The following CDCP2 variants were observed in gnomAD, a reference collection of about 807,000 sequenced individuals.
CDCP2 encodes the protein CUB domain containing protein 2.
In CDCP2, 31 loss-of-function variants were observed where a neutral mutation model predicts 31.0. The ratio of observed to expected loss-of-function variants is 1.00; its 90% confidence interval spans 0.75 to 1.35. CDCP2 has a LOEUF of 1.35. Ranked by LOEUF, CDCP2 falls within the 40% of genes most tolerant of loss-of-function variation. The pLI is 0.00. For synonymous variants in CDCP2, 206 were observed against 207.9 expected (o/e 0.99, Z 0.08); for missense variants, 443 against 482.6 (o/e 0.92, Z 0.77).
At chr1:54,142,604 G>A (rs1659393200) in intron 2 of CDCP2, 1 of 152,286 alleles carries the variant, frequency 6.6e-6, no homozygotes, top group African/African-American at 2.4e-5. Flanking sequence ...TGAGACTCCA[G>A]CATCTCGCCC....
chr1:54,133,520 G>A (rs1659201036), intron 5 of CDCP2, among the ~76,000 whole-genome samples: 1 of 152,168 alleles, frequency 6.6e-6, no homozygotes, highest in East Asian at 1.9e-4. Context: ...CTAATGTTCT[G>A]GGGCCATTTA....
intron 2 of CDCP2, 73 bp downstream of exon 2, chr1:54,144,393 C>G: frequency 7.5e-7 from 1 of 1,332,598 alleles, no homozygotes; most frequent in South Asian, 1.4e-5. Context: ...GTAATCCTCC[C>G]ACTTTGGCTT....
chr1:54,138,787 T>G (rs2100421040), intron 4 of CDCP2: 1 of 152,448 alleles, frequency 6.6e-6, no homozygotes, highest in Non-Finnish European at 1.5e-5. Flanking sequence ...GCTGTGCCAC[T>G]GACTCCCTAT....
chr1:54,151,823 A>T (rs2100436029), intron 1 of CDCP2, among the ~76,000 whole-genome samples: 1 of 152,316 alleles, frequency 6.6e-6, no homozygotes, highest in African/African-American at 2.4e-5. Flanking sequence ...CAGGAGCCCC[A>T]GTGAAGGCGC....
Position 54,149,238 on chromosome 1 carries a change from A to T in CDCP2, c.79+3606T>A, listed in dbSNP as rs145247818. On this transcript the variant is annotated intron_variant, in intron 1 of 5. Transcript: ENST00000530059. The stretch of plus-strand genomic sequence containing the variant: ...AGAGAGAGACCTTGTCTCTAAAAAA[A>T]TTTTTTTAAATTAAGCACTTATTAT... 1.5e-3 allele frequency among the ~76,000 whole-genome samples: 230 copies of T among 151,674 alleles called. 2 individuals are homozygous for T. The highest frequency in any genetic ancestry group is 2.3e-3 in the Non-Finnish European group (157 of 67,982).
chr1:54,145,480 G>A (rs990297240), intron 1 of CDCP2, among the ~76,000 whole-genome samples: 6 of 152,066 alleles, frequency 3.9e-5, no homozygotes, highest in African/African-American at 1.4e-4. Context: ...ATGACACTGT[G>A]AGAAGCTATG....
At chr1:54,148,972 A>ATATATATAT (rs940024678) in intron 1 of CDCP2, among the ~76,000 whole-genome samples, 1 of 143,526 alleles carries the variant, frequency 7.0e-6, no homozygotes, top group Non-Finnish European at 1.5e-5. Context: ...GTTTAAAAAA[A>ATATATATAT]AAATATATAT....
intron 3 of CDCP2, chr1:54,140,322 C>T (rs1659344214): frequency 1.7e-6 from 1 of 589,950 alleles, no homozygotes; most frequent in Non-Finnish European, 3.0e-6. Context: ...TAGCTGAAAG[C>T]TGGGACTTGC....
At chr1:54,146,333 C>T (rs890221499) in intron 1 of CDCP2, among the ~76,000 whole-genome samples, 1 of 151,718 alleles carries the variant, frequency 6.6e-6, no homozygotes, top group African/African-American at 2.4e-5. Flanking sequence ...GTGCCCGCCA[C>T]CACACCCAGC....
At chr1:54,136,103 C>A (rs1659254840) in intron 5 of CDCP2, among the ~76,000 whole-genome samples, 1 of 152,142 alleles carries the variant, frequency 6.6e-6, no homozygotes, top group Admixed American at 6.5e-5. Flanking sequence ...GGGAGGGAAT[C>A]CTGTGCCTTG....
At chr1:54,145,412 C>T (rs899744708) in intron 1 of CDCP2, among the ~76,000 whole-genome samples, 2 of 151,606 alleles carry the variant, frequency 1.3e-5, no homozygotes, top group African/African-American at 2.4e-5. Flanking sequence ...GGCAACAGAG[C>T]GAGACTCTGT....
At chr1:54,139,389 A>T (rs1659312879) in intron 4 of CDCP2, 2 of 707,330 alleles carry the variant, frequency 2.8e-6, no homozygotes, top group Admixed American at 3.0e-5. Flanking sequence ...AGTTATACCA[A>T]TTTTTTTGCC....
At chr1:54,135,149 C>T (rs1659237793) in intron 5 of CDCP2, among the ~76,000 whole-genome samples, 1 of 134,314 alleles carries the variant, frequency 7.4e-6, no homozygotes, top group Non-Finnish European at 1.5e-5. Flanking sequence ...TAAAGTAAAT[C>T]TACATAATAA....
In CDCP2 at chr1:54,148,362, G is replaced by T. The variant is rs528349377; in HGVS notation, c.80-3549C>A. On this transcript the variant is annotated intron_variant, in intron 1 of 5. Transcript: ENST00000530059. ...CAAGACCCCAACCTCTAAAAAAAAA[G>T]AAAAAAAGAAAAAAAAAATTCACTT... is the stretch of plus-strand genomic sequence containing the variant. 8.0e-4 allele frequency among the ~76,000 whole-genome samples: 95 copies of T among 118,592 alleles called. 5 individuals are homozygous for T. The highest frequency in any genetic ancestry group is 3.0e-3 in the African/African-American group (92 of 30,602). 77.8% of individuals were successfully genotyped at this position (118,592 alleles called of 152,430 possible).
At chr1:54,152,823 G>C in intron 1 of CDCP2, 21 bp downstream of exon 1, 1 of 1,611,080 alleles carries the variant, frequency 6.2e-7, no homozygotes, top group Non-Finnish European at 8.5e-7. Context: ...CTCAGTTCAT[G>C]TCTGTCCCAA....
chr1:54,140,944 T>C lies in CDCP2; in HGVS notation c.763+154A>G, dbSNP rs1659357427. 1.1e-5 allele frequency: 6 copies of C among 556,860 alleles called. No homozygotes were observed. In the Admixed American group the frequency reaches 1.5e-4, roughly 14 times the overall value. The allele number at this position is 556,860 out of a possible 1,614,324, so 34.5% of individuals were successfully genotyped here. On this transcript the variant is annotated intron_variant, in intron 3 of 5. Coordinates refer to ENST00000530059, the Ensembl canonical transcript of CDCP2. Reference sequence around the variant, plus strand: ...GAGGTGACATGCTTATGTCTTGGCATAGGCCAAGGGTATGCTAGAGCATTC... The same window carrying C: ...GAGGTGACATGCTTATGTCTTGGCACAGGCCAAGGGTATGCTAGAGCATTC...
chr1:54,143,724 T>G (rs1020809436), intron 2 of CDCP2: 2 of 152,186 alleles, frequency 1.3e-5, no homozygotes, highest in Non-Finnish European at 2.9e-5. Flanking sequence ...TGTCTACTGT[T>G]TGAGTTAACA....
At position 54,140,278 on chromosome 1, in the gene CDCP2, A is replaced by T. The variant is rs1659343240; in HGVS notation, c.764-172T>A. The T allele has an allele frequency of 6.4e-6, 4 of 622,550 alleles. No individual in the cohort carries two copies. In the East Asian group the frequency reaches 1.1e-4, roughly 17 times the overall value. The allele number at this position is 622,550 out of a possible 1,614,324, so 38.6% of individuals were successfully genotyped here. On this transcript the variant is annotated intron_variant, in intron 3 of 5. Transcript: ENST00000530059. ...TGATCCCAACTATCTGAAAGTTGGG[A>T]TGCTTGATCCCAAAGCTTGTTTTAA...
chr1:54,147,408 C>T (rs961734056), intron 1 of CDCP2, among the ~76,000 whole-genome samples: 1 of 151,786 alleles, frequency 6.6e-6, no homozygotes, highest in Admixed American at 6.6e-5. Context: ...TTATTGTCGG[C>T]CCAGGCTGGA....
Sources: allele counts gnomAD v4.1 joint callset (sites outside exome capture counted in the v4.1 genomes callset), GRCh38; gene constraint gnomAD v4.1.1; transcripts MANE v1.5; gene names NCBI Gene and HGNC (gene_info 2026-07-23, HGNC 2026-07-21).